The following CALN1 variants were observed in gnomAD, a reference collection of about 807,000 sequenced individuals.
CALN1 encodes the protein calneuron 1.
In CALN1, 17 loss-of-function variants were observed where a neutral mutation model predicts 30.6. That is an observed-to-expected ratio of 0.56 (90% CI 0.38 to 0.83). The LOEUF (loss-of-function observed/expected upper bound fraction) is 0.83, where lower values mean the gene tolerates loss of function less well. CALN1 is among the 40% of genes least tolerant of loss of function. The probability of loss-of-function intolerance (pLI) is 0.00; values close to 1 mark genes in which losing one functional copy is unlikely to be tolerated. For synonymous variants in CALN1, 156 were observed against 131.4 expected, an observed-to-expected ratio of 1.19 and a Z score of -1.28; for missense variants, 291 against 354.9, an observed-to-expected ratio of 0.82 and a Z score of 1.45.
chr7:72,393,684 G>C (rs35589520), intron 2 of CALN1, among the ~76,000 whole-genome samples: 1 of 150,962 alleles, frequency 6.6e-6, no homozygotes, highest in Non-Finnish European at 1.5e-5. Flanking sequence ...ATGCTCCAAA[G>C]CCCTTTTGAA....
chr7:72,442,159 A>G (rs895905316), intron 1 of CALN1, among the ~76,000 whole-genome samples: 4 of 152,128 alleles, frequency 2.6e-5, no homozygotes, highest in African/African-American at 9.7e-5. Context: ...TTGGTACCCC[A>G]CTGGCCAGCC....
At chr7:71,899,449 C>T (rs145378108) in intron 5 of CALN1, among the ~76,000 whole-genome samples, 2 of 152,158 alleles carry the variant, frequency 1.3e-5, no homozygotes, top group African/African-American at 4.8e-5. Context: ...GGCTGAGACA[C>T]CTTCTATAAA....
At chr7:71,893,307 C>T (rs1056806268) in intron 5 of CALN1, among the ~76,000 whole-genome samples, 4 of 152,176 alleles carry the variant, frequency 2.6e-5, no homozygotes, top group Admixed American at 2.0e-4. Context: ...AGGCCTCCCA[C>T]TACAAAGAAT....
chr7:71,926,372 G>T (rs1795272045), intron 5 of CALN1, among the ~76,000 whole-genome samples: 1 of 152,148 alleles, frequency 6.6e-6, no homozygotes, highest in South Asian at 2.1e-4. Flanking sequence ...CTCCAGACCA[G>T]ATCTTTTCTG....
intron 3 of CALN1, among the ~76,000 whole-genome samples, chr7:72,225,191 A>C (rs1425483284): frequency 6.6e-6 from 1 of 151,882 alleles, no homozygotes; most frequent in African/African-American, 2.4e-5. Flanking sequence ...ACAGGAAGGA[A>C]GTCATTTTAC....
intron 3 of CALN1, among the ~76,000 whole-genome samples, chr7:72,209,819 TCAAG>T (rs2129548140): frequency 6.6e-6 from 1 of 152,232 alleles, no homozygotes; most frequent in South Asian, 2.1e-4. Flanking sequence ...GGATTCTCTC[TCAAG>T]CAAGCATGTT....
At chr7:71,792,139 T>C (rs2115910928) in intron 6 of CALN1, among the ~76,000 whole-genome samples, 1 of 152,358 alleles carries the variant, frequency 6.6e-6, no homozygotes, top group South Asian at 2.1e-4. Context: ...CGTTTCCTGA[T>C]AATTATTGAA....
intron 5 of CALN1, among the ~76,000 whole-genome samples, chr7:71,826,000 T>A (rs1352050922): frequency 1.7e-5 from 2 of 115,718 alleles, no homozygotes; most frequent in Non-Finnish European, 3.2e-5. Flanking sequence ...ACCACTGCAC[T>A]CCAGCCTGGG....
At chr7:72,336,523 G>T (rs1802050565) in intron 2 of CALN1, among the ~76,000 whole-genome samples, 1 of 152,154 alleles carries the variant, frequency 6.6e-6, no homozygotes, top group South Asian at 2.1e-4. Flanking sequence ...CGCGGGGTGG[G>T]TGCCCCAGTG....
chr7:72,190,153 C>G (rs923306154), intron 3 of CALN1, among the ~76,000 whole-genome samples: 1 of 152,100 alleles, frequency 6.6e-6, no homozygotes, highest in African/African-American at 2.4e-5. Context: ...GTCAGGAGTT[C>G]GAGATCAGCC....
intron 5 of CALN1, among the ~76,000 whole-genome samples, chr7:71,959,899 C>A (rs76442207): frequency 6.6e-6 from 1 of 151,868 alleles, no homozygotes; most frequent in Non-Finnish European, 1.5e-5. Context: ...TTTGGGAGGC[C>A]GAGGCGGGCA....
At chr7:72,276,292 C>A (rs769944988) in intron 3 of CALN1, among the ~76,000 whole-genome samples, 1 of 152,152 alleles carries the variant, frequency 6.6e-6, no homozygotes, top group Non-Finnish European at 1.5e-5. Flanking sequence ...GCCCTAATGT[C>A]TATTCACAGT....
intron 3 of CALN1, among the ~76,000 whole-genome samples, chr7:72,234,847 C>A (rs554094329): frequency 3.3e-5 from 5 of 152,116 alleles, no homozygotes; most frequent in Non-Finnish European, 7.4e-5. Flanking sequence ...TAGATATCCC[C>A]TAAGTACTTA....
intron 3 of CALN1, among the ~76,000 whole-genome samples, chr7:72,219,694 T>G (rs1226483872): frequency 7.0e-6 from 1 of 141,994 alleles, no homozygotes; most frequent in Non-Finnish European, 1.6e-5. Flanking sequence ...CATGCACACA[T>G]GCAATGCACA....
chr7:71,871,530 C>T (rs996634039), intron 5 of CALN1, among the ~76,000 whole-genome samples: 2 of 152,082 alleles, frequency 1.3e-5, no homozygotes, highest in Non-Finnish European at 2.9e-5. Context: ...GAGGATCACT[C>T]GAGGCCAGGA....
chr7:72,306,247 T>A (rs1303200144), intron 2 of CALN1, among the ~76,000 whole-genome samples: 1 of 152,218 alleles, frequency 6.6e-6, no homozygotes, highest in Non-Finnish European at 1.5e-5. Context: ...AAAATGTACA[T>A]CTGTAAAGAA....
intron 4 of CALN1, among the ~76,000 whole-genome samples, chr7:72,027,946 C>T (rs1203935644): frequency 1.5e-4 from 22 of 149,376 alleles, no homozygotes; most frequent in East Asian, 2.0e-4. Context: ...GTAGTCCCAG[C>T]TACGTGGGAG....
At chr7:72,328,924 T>G (rs745307563) in intron 2 of CALN1, among the ~76,000 whole-genome samples, 39 of 152,272 alleles carry the variant, frequency 2.6e-4, no homozygotes, top group Non-Finnish European at 4.9e-4. Flanking sequence ...CTTGAACTCC[T>G]GACCTCAGCT....
At chr7:71,811,471 T>C (rs551857580) in intron 5 of CALN1, among the ~76,000 whole-genome samples, 1 of 152,168 alleles carries the variant, frequency 6.6e-6, no homozygotes. Flanking sequence ...CTCCTGAAAG[T>C]GCTGGGATTA....
Sources: allele counts gnomAD v4.1 joint callset (sites outside exome capture counted in the v4.1 genomes callset), GRCh38; gene constraint gnomAD v4.1.1; transcripts MANE v1.5; gene names NCBI Gene and HGNC (gene_info 2026-07-23, HGNC 2026-07-21).